Variants in RNLS observed in about 807,000 individuals in gnomAD.
The protein encoded by RNLS is renalase, FAD dependent amine oxidase, also known as renalase.
In RNLS, 39 loss-of-function variants were observed where a neutral mutation model predicts 39.8. That is an observed-to-expected ratio of 0.98 (90% CI 0.76 to 1.28). The LOEUF (loss-of-function observed/expected upper bound fraction) is 1.28, where lower values mean the gene tolerates loss of function less well. RNLS is among the 50% of genes most tolerant of loss of function. The pLI, the probability that RNLS is intolerant of heterozygous loss-of-function variation, is 0.00. For missense variants in RNLS, 410 were observed against 413.3 expected (o/e 0.99, Z 0.07); for synonymous variants, 147 against 150.7 (o/e 0.98, Z 0.18).
At chr10:88,329,584 T>A (rs1846929791) in intron 5 of RNLS, among the ~76,000 whole-genome samples, 4 of 152,154 alleles carry the variant, frequency 2.6e-5, no homozygotes, top group Admixed American at 2.6e-4. Flanking sequence ...TCTCCCAATA[T>A]TTCCTTATTC....
rs576454911 is a variant in RNLS, at chr10:88,579,182, T to C, written c.367+2385A>G. Among the ~76,000 whole-genome samples, 3 of 152,308 alleles carry C rather than the reference T, an allele frequency of 2.0e-5. No homozygotes were observed. The South Asian group carries it at 6.2e-4, about 32-fold the overall frequency. On this transcript the variant is annotated intron_variant, in intron 3 of 6. Transcript: ENST00000331772. ...ATGATTGGACAAAGGGTTATATCTATGGCTAACAAACTGGTAAAACCCACC... is the reference window on the plus strand; with the variant it reads ...ATGATTGGACAAAGGGTTATATCTACGGCTAACAAACTGGTAAAACCCACC...
Position 88,314,834 on chromosome 10 carries a change from A to G in RNLS, c.701-193T>C, listed in dbSNP as rs535921159. 5.9e-5 allele frequency among the ~76,000 whole-genome samples: 9 copies of G among 152,358 alleles called. No homozygotes were observed. In the South Asian group the frequency reaches 1.9e-3, roughly 32 times the overall value. ...ATCAAACTTCTCTGAAGAGGAAGAC[A>G]GATTAAAGAGAAGTTTTAGTGAAAA... On this transcript the variant is annotated intron_variant, in intron 5 of 6. Transcript: ENST00000331772.
chr10:88,172,838 A>AGTT, the RNLS span, among the ~76,000 whole-genome samples: 83 of 27,134 alleles, frequency 3.1e-3, no homozygotes, highest in Middle Eastern at 0.042. Context: ...GTGCATTTTG[A>AGTT]GTTGTTTTTT....
chr10:88,267,652 ACTTT>A, the RNLS span, among the ~76,000 whole-genome samples: 1 of 152,196 alleles, frequency 6.6e-6, no homozygotes, highest in African/African-American at 2.4e-5. Flanking sequence ...ACCAATACAT[ACTTT>A]AAGTCTAACC....
the RNLS span, among the ~76,000 whole-genome samples, chr10:88,178,160 G>A: frequency 6.6e-6 from 1 of 152,132 alleles, no homozygotes. Flanking sequence ...TGGGTGCTGG[G>A]TTCTCAGCTG....
chr10:88,395,839 C>T (rs1852525682), intron 4 of RNLS, among the ~76,000 whole-genome samples: 1 of 151,974 alleles, frequency 6.6e-6, no homozygotes, highest in African/African-American at 2.4e-5. Flanking sequence ...CTTGAAGCAG[C>T]AAGAAAGAAG....
chr10:88,481,717 T>A (rs1305371579), intron 4 of RNLS, among the ~76,000 whole-genome samples: 1 of 152,138 alleles, frequency 6.6e-6, no homozygotes, highest in Admixed American at 6.5e-5. Context: ...TTTAAAGAAG[T>A]TACTATGTGA....
chr10:88,210,917 A>G, the RNLS span, among the ~76,000 whole-genome samples: 1 of 152,144 alleles, frequency 6.6e-6, no homozygotes, highest in South Asian at 2.1e-4. Context: ...GCACTGAAGG[A>G]GGTTGGCCTA....
At chr10:88,395,671 G>T (rs1357570745) in intron 4 of RNLS, among the ~76,000 whole-genome samples, 1 of 151,828 alleles carries the variant, frequency 6.6e-6, no homozygotes, top group Non-Finnish European at 1.5e-5. Flanking sequence ...GGAGTGGAAA[G>T]AATATATATA....
chr10:88,460,549 C>T (rs1207159422), intron 4 of RNLS, among the ~76,000 whole-genome samples: 2 of 152,068 alleles, frequency 1.3e-5, no homozygotes, highest in Admixed American at 1.3e-4. Flanking sequence ...CTATGATTGC[C>T]TCATTACTAT....
the RNLS span, among the ~76,000 whole-genome samples, chr10:88,266,229 A>T: frequency 6.6e-6 from 1 of 152,148 alleles, no homozygotes. Context: ...AATAACAATG[A>T]TTCACTTCTC....
chr10:88,355,381 G>C (rs1177774062), intron 5 of RNLS, among the ~76,000 whole-genome samples: 1 of 152,200 alleles, frequency 6.6e-6, no homozygotes, highest in Non-Finnish European at 1.5e-5. Flanking sequence ...CTGACGTACA[G>C]ATGGGGTTTT....
chr10:88,391,089 C>T (rs1852169519), intron 4 of RNLS, among the ~76,000 whole-genome samples: 1 of 152,038 alleles, frequency 6.6e-6, no homozygotes, highest in South Asian at 2.1e-4. Context: ...ACATTTGAAT[C>T]CTCTGAAAAT....
intron 5 of RNLS, among the ~76,000 whole-genome samples, chr10:88,333,717 C>A (rs1408929930): frequency 2.6e-5 from 4 of 152,120 alleles, no homozygotes; most frequent in Non-Finnish European, 4.4e-5. Flanking sequence ...CCCCAAAACT[C>A]GTATGTGAAA....
chr10:88,409,924 G>C, intron 4 of RNLS, among the ~76,000 whole-genome samples: 1 of 152,188 alleles, frequency 6.6e-6, no homozygotes, highest in South Asian at 2.1e-4. Flanking sequence ...TCTGTAAAGT[G>C]TCAGACAGCA....
chr10:88,562,683 G>A (rs1849264265), intron 4 of RNLS, among the ~76,000 whole-genome samples: 3 of 152,020 alleles, frequency 2.0e-5, no homozygotes. Flanking sequence ...ATAGAAAAAA[G>A]TAAATAGTAG....
chr10:88,262,352 A>T, the RNLS span, among the ~76,000 whole-genome samples: 1 of 152,172 alleles, frequency 6.6e-6, no homozygotes, highest in African/African-American at 2.4e-5. Context: ...TGGCATCTCA[A>T]GGTCTCATGG....
chr10:88,540,174 G>C (rs1847966783), intron 4 of RNLS, among the ~76,000 whole-genome samples: 1 of 152,074 alleles, frequency 6.6e-6, no homozygotes, highest in Admixed American at 6.6e-5. Context: ...ACGCTATCAT[G>C]CAAAATTACA....
chr10:88,359,325 A>C (rs200263007), intron 5 of RNLS, among the ~76,000 whole-genome samples: 4 of 145,846 alleles, frequency 2.7e-5, no homozygotes, highest in African/African-American at 1.0e-4. Context: ...AAAAAAAAAA[A>C]CAAAAAAACT....
Sources: allele counts gnomAD v4.1 joint callset (sites outside exome capture counted in the v4.1 genomes callset), GRCh38; gene constraint gnomAD v4.1.1; transcripts MANE v1.5; gene names NCBI Gene and HGNC (gene_info 2026-07-23, HGNC 2026-07-21).